CPLANE1: variants seen among roughly 807,000 people sequenced by gnomAD.
CPLANE1 encodes ciliogenesis and planar polarity effector complex subunit 1.
In CPLANE1, 263 loss-of-function variants were observed where a neutral mutation model predicts 362.5. That is an observed-to-expected ratio of 0.73 (90% CI 0.66 to 0.80). The LOEUF (loss-of-function observed/expected upper bound fraction) is 0.80, where lower values mean the gene tolerates loss of function less well. Among genes scored for constraint, CPLANE1 ranks in the 30% least tolerant of loss-of-function variants. CPLANE1 has a pLI of 0.00. For missense variants in CPLANE1, 3,461 were observed against 3,793.4 expected (o/e 0.91, Z 2.30); for synonymous variants, 1,212 against 1,302.6 (o/e 0.93, Z 1.50).
intron 6 of CPLANE1, 62 bp downstream of exon 6, chr5:37,242,951 G>T: frequency 2.6e-6 from 3 of 1,140,870 alleles, no homozygotes; most frequent in South Asian, 2.9e-5. Flanking sequence ...GACACAGCAA[G>T]ACCCTGCCTC....
At chr5:37,120,468 G>T in intron 49 of CPLANE1, 128 bp from the exon 50 acceptor site, 1 of 700,062 alleles carries the variant, frequency 1.4e-6, no homozygotes, top group Admixed American at 4.2e-5. Flanking sequence ...TACTGGCGAG[G>T]GTGGGACAGG....
At chr5:37,078,271 C>T in the CPLANE1 span, among the ~76,000 whole-genome samples, 1 of 152,106 alleles carries the variant, frequency 6.6e-6, no homozygotes, top group Admixed American at 6.5e-5. Flanking sequence ...CATTCAGCTC[C>T]CACTTATAAG....
At chr5:37,236,723 C>CA (rs544613605) in intron 8 of CPLANE1, among the ~76,000 whole-genome samples, 20,101 of 102,324 alleles carry the variant, frequency 0.2, 1,502 homozygotes, top group African/African-American at 0.25. Context: ...ACTCAACAAG[C>CA]AAAAAAAAAA....
rs1774235562 is a variant in CPLANE1 at position 37,153,752 on chromosome 5, T to C, written c.8361A>G (p.Leu2787=). ...AAAGGTAGTCTACCTTATCACAATG[T>C]AGATCTAGCATTTCAGGCTTGGGGA... ...QDFPKPEMLD[L]HCDKIGPVDH... The change falls in exon 42 of 53, where the codon CTA becomes CTG. Residue 2787 remains leucine (L), a synonymous_variant. Transcript: ENST00000651892. The C allele has an allele frequency of 6.2e-7, 1 of 1,611,694 alleles. No homozygotes were observed. The highest frequency in any genetic ancestry group is 8.5e-7 in the Non-Finnish European group (1 of 1,178,034).
intron 47 of CPLANE1, among the ~76,000 whole-genome samples, chr5:37,123,762 G>C (rs1235912969): frequency 1.3e-5 from 2 of 152,122 alleles, no homozygotes; most frequent in Non-Finnish European, 1.5e-5. Context: ...CTGGCCTCAG[G>C]TGATCCTCCT....
Position 37,165,540 on chromosome 5 carries a change from T to C in CPLANE1, c.7532A>G (p.Lys2511Arg). 1 of 1,608,590 alleles carries C rather than the reference T, an allele frequency of 6.2e-7. No individual in the cohort carries two copies. The highest frequency in any genetic ancestry group is 8.5e-7 in the Non-Finnish European group (1 of 1,178,648). Reference sequence around the variant, plus strand: ...GAATCTATAGCAGTTTTTCTATACCTTGGGTTTCTTAATGATTTCTGAATC... The same window carrying C: ...GAATCTATAGCAGTTTTTCTATACCCTGGGTTTCTTAATGATTTCTGAATC... ...NDDSEIIKKP[K>R]EQQEHCGSHP... is the part of the protein sequence containing the mutation. The change falls in exon 36 of 53, where the codon AAG becomes AGG. Residue 2511 changes from lysine (K) to arginine (R), a missense_variant and splice_region_variant. By Grantham distance (26) the Lys-to-Arg change is conservative (BLOSUM62 2). Transcript: ENST00000651892.
rs57781968 is a variant in CPLANE1, at chr5:37,245,297, CTATATATATATATATATATATA to C, written c.337+160_337+181del. 0.066 allele frequency among the ~76,000 whole-genome samples: 3,920 copies of C among 59,700 alleles called. 172 individuals carry two copies. Among genetic ancestry groups the C allele is most frequent in the Middle Eastern group, 0.16 (18 of 116 alleles). 39.2% of individuals were successfully genotyped at this position (59,700 alleles called of 152,430 possible). A position where few individuals can be genotyped will look rare whatever the true frequency, so the allele number is the denominator to read the frequency against. On this transcript the variant is annotated intron_variant, in intron 4 of 52. Coordinates refer to ENST00000651892, the MANE Select transcript of CPLANE1 (RefSeq NM_001384732.1). Reference sequence around the variant, plus strand: ...GTATCACAGATAAACATAACCAAAACTATATATATATATATATATATATATATATATATATATATATATATAT... The same window carrying C: ...GTATCACAGATAAACATAACCAAAACTATATATATATATATATATATATAT...
At chr5:37,117,194 A>G (rs1186063832) in intron 50 of CPLANE1, among the ~76,000 whole-genome samples, 4 of 152,090 alleles carry the variant, frequency 2.6e-5, no homozygotes, top group East Asian at 1.9e-4. Flanking sequence ...AAAAAGCTCA[A>G]TAACCATTTT....
chr5:37,086,123 C>T, the CPLANE1 span, among the ~76,000 whole-genome samples: 1 of 152,158 alleles, frequency 6.6e-6, no homozygotes, highest in Non-Finnish European at 1.5e-5. Flanking sequence ...CAATACTCCA[C>T]TGACAGCACT....
intron 21 of CPLANE1, among the ~76,000 whole-genome samples, chr5:37,190,779 T>A (rs1785313954): frequency 6.6e-6 from 1 of 152,162 alleles, no homozygotes; most frequent in South Asian, 2.1e-4. Context: ...CCTAGAGACA[T>A]CATGACATCA....
rs1769730626 is a variant in CPLANE1, at chr5:37,141,591, A to G, written c.8632+719T>C. The G allele has an allele frequency of 2.3e-5, 22 of 960,126 alleles. No homozygotes were observed. In the South Asian group the frequency reaches 1.1e-3, roughly 46 times the overall value. 59.5% of individuals were successfully genotyped at this position (960,126 alleles called of 1,614,324 possible). A position where few individuals can be genotyped will look rare whatever the true frequency, so the allele number is the denominator to read the frequency against. ...TAATGCCATTTAAAATAGCATTTTTACTGTTTATATCACTTTAATAATGGT... is the reference window on the plus strand; with the variant it reads ...TAATGCCATTTAAAATAGCATTTTTGCTGTTTATATCACTTTAATAATGGT... On this transcript the variant is annotated intron_variant, in intron 44 of 52. Transcript: ENST00000651892.
intron 35 of CPLANE1, among the ~76,000 whole-genome samples, chr5:37,166,753 T>A (rs540423262): frequency 6.6e-6 from 1 of 152,320 alleles, no homozygotes; most frequent in East Asian, 1.9e-4. Context: ...TTGTACCAAA[T>A]ATTTGAGCAG....
chr5:37,206,309 C>A lies in CPLANE1; in HGVS notation c.3037G>T (p.Gly1013Cys), dbSNP rs1360522942. The change falls in exon 17 of 53, where the codon GGC becomes TGC. Residue 1013 changes from glycine (G) to cysteine (C), a missense_variant. Gly to Cys is a radical substitution (Grantham distance 159). This residue lies in a region of CPLANE1 where 3,380 missense variants were observed against 3,666.1 expected (regional missense o/e 0.92). Coordinates refer to ENST00000651892, the MANE Select transcript of CPLANE1 (RefSeq NM_001384732.1). ...AACCACACAGCCTCTGGAACCAGGC[C>A]ACCAATAAATAGTAATTCAAGTGCA... is the stretch of plus-strand genomic sequence containing the variant. ...EYALELLFIG[G>C]LVPEAVWLAY... is the part of the protein sequence containing the mutation. The A allele has an allele frequency of 5.2e-6, 8 of 1,551,532 alleles. No homozygotes were observed. Among genetic ancestry groups the A allele is most frequent in the Non-Finnish European group, 7.0e-6 (8 of 1,146,938 alleles).
chr5:37,213,308 T>G (rs1793146712), intron 16 of CPLANE1, among the ~76,000 whole-genome samples: 1 of 152,148 alleles, frequency 6.6e-6, no homozygotes, highest in Non-Finnish European at 1.5e-5. Flanking sequence ...AAATTAAAAT[T>G]TAAAACTAAA....
chr5:37,093,625 G>C, the CPLANE1 span, among the ~76,000 whole-genome samples: 1 of 152,162 alleles, frequency 6.6e-6, no homozygotes, highest in African/African-American at 2.4e-5. Flanking sequence ...TTATACTCAT[G>C]ATTGTCTTAT....
intron 38 of CPLANE1, among the ~76,000 whole-genome samples, chr5:37,160,514 T>C (rs1224890318): frequency 1.3e-5 from 2 of 150,514 alleles, no homozygotes; most frequent in Admixed American, 6.6e-5. Flanking sequence ...GAGCCAAGAT[T>C]GCACCACTGC....
intron 43 of CPLANE1, among the ~76,000 whole-genome samples, chr5:37,143,451 AT>A (rs1770433872): frequency 6.6e-6 from 1 of 152,240 alleles, no homozygotes; most frequent in Non-Finnish European, 1.5e-5. Context: ...CAAAGAGCAG[AT>A]AGATTTGAAA....
chr5:37,208,937 G>T (rs1483424481), intron 16 of CPLANE1, among the ~76,000 whole-genome samples: 5 of 106,110 alleles, frequency 4.7e-5, no homozygotes, highest in Admixed American at 1.8e-4. Flanking sequence ...TTTCACAGAT[G>T]AAAAAAAAAA....
chr5:37,236,320 C>A (rs938131075), intron 8 of CPLANE1, among the ~76,000 whole-genome samples: 2 of 152,060 alleles, frequency 1.3e-5, no homozygotes, highest in African/African-American at 4.8e-5. Context: ...AAAATATACA[C>A]TGGGGAAAGG....
Sources: allele counts gnomAD v4.1 joint callset (sites outside exome capture counted in the v4.1 genomes callset), GRCh38; gene constraint gnomAD v4.1.1; regional missense constraint gnomAD v4.1.1; transcripts MANE v1.5; gene names NCBI Gene and HGNC (gene_info 2026-07-23, HGNC 2026-07-21).